The following MBNL2 variants were observed in gnomAD, a reference collection of about 807,000 sequenced individuals.
The protein encoded by MBNL2 is muscleblind-like protein 2.
A neutral mutation model predicts 41.9 loss-of-function variants in MBNL2; 17 were observed. That is an observed-to-expected ratio of 0.41 (90% CI 0.28 to 0.61). The LOEUF is 0.61. MBNL2 is among the 20% of genes least tolerant of loss of function. The pLI is 0.35. For synonymous variants in MBNL2, 195 were observed against 182.9 expected (o/e 1.07, Z -0.53); for missense variants, 336 against 505.6 (o/e 0.66, Z 3.22).
intron 1 of MBNL2, among the ~76,000 whole-genome samples, chr13:97,223,401 T>C (rs895291996): frequency 6.6e-6 from 1 of 152,232 alleles, no homozygotes; most frequent in Admixed American, 6.5e-5. Context: ...GGAAAGGATA[T>C]ATTTGCTAAA....
chr13:97,373,618 A>ATG (rs1322017630), intron 8 of MBNL2, among the ~76,000 whole-genome samples: 1 of 150,186 alleles, frequency 6.7e-6, no homozygotes, highest in East Asian at 1.9e-4. Context: ...ATATATATAT[A>ATG]TATATATTAA....
chr13:97,362,406 A>G (rs1210221041), intron 7 of MBNL2, among the ~76,000 whole-genome samples: 2 of 152,172 alleles, frequency 1.3e-5, no homozygotes, highest in Non-Finnish European at 1.5e-5. Context: ...TAAAATAACA[A>G]TTGAGCATTT....
chr13:97,190,677 T>C, the MBNL2 span, among the ~76,000 whole-genome samples: 3 of 152,224 alleles, frequency 2.0e-5, no homozygotes, highest in Non-Finnish European at 2.9e-5. Context: ...GTCTTTTGCA[T>C]AGTCAAGGAG....
intron 2 of MBNL2, among the ~76,000 whole-genome samples, chr13:97,322,960 G>C (rs942948021): frequency 4.6e-5 from 7 of 152,188 alleles, no homozygotes; most frequent in Non-Finnish European, 4.4e-5. Flanking sequence ...TTGATTGCTG[G>C]GGTCCAGGAG....
upstream of MBNL2, among the ~76,000 whole-genome samples, chr13:97,216,683 T>C (rs2040402572): frequency 6.6e-6 from 1 of 152,184 alleles, no homozygotes; most frequent in Non-Finnish European, 1.5e-5. Context: ...ATCACCATGA[T>C]TTTAAACATC....
At chr13:97,182,913 A>G in the MBNL2 span, among the ~76,000 whole-genome samples, 1 of 152,214 alleles carries the variant, frequency 6.6e-6, no homozygotes, top group East Asian at 1.9e-4. Context: ...ATAAATGCTC[A>G]TTATGAGTTA....
rs2063093704 is a variant in MBNL2 at position 97,357,499 on chromosome 13, T to G, written c.876T>G (p.Ala292=). 1.9e-6 allele frequency: 3 copies of G among 1,614,146 alleles called. No homozygotes were observed. Among genetic ancestry groups the G allele is most frequent in the East Asian group, 4.5e-5 (2 of 44,886 alleles). ...ATTTCTAGGCCTTTCCCCCTGGTGCTCTTCATCCTTTACCAAAGAGACAAG... is the reference window on the plus strand; with the variant it reads ...ATTTCTAGGCCTTTCCCCCTGGTGCGCTTCATCCTTTACCAAAGAGACAAG... ...ATVDLAFPPG[A]LHPLPKRQAL... The change falls in exon 7 of 9, where the codon GCT becomes GCG. Residue 292 remains alanine, a synonymous_variant. Coordinates refer to ENST00000679496, the MANE Select transcript of MBNL2 (RefSeq NM_001382683.1).
chr13:97,159,439 A>T, the MBNL2 span, among the ~76,000 whole-genome samples: 2 of 151,514 alleles, frequency 1.3e-5, no homozygotes, highest in African/African-American at 4.8e-5. Context: ...TCCTGTCATT[A>T]TGATGTTAGC....
At chr13:97,164,860 C>A in the MBNL2 span, among the ~76,000 whole-genome samples, 75 of 152,244 alleles carry the variant, frequency 4.9e-4, no homozygotes, top group Admixed American at 1.8e-3. Context: ...TTTGGTGTGG[C>A]CTTCCTGTGG....
At chr13:97,177,389 A>C in the MBNL2 span, among the ~76,000 whole-genome samples, 2 of 152,318 alleles carry the variant, frequency 1.3e-5, no homozygotes, top group East Asian at 1.9e-4. Flanking sequence ...TGAAAGAACA[A>C]TATGATGCCA....
chr13:97,229,788 A>G (rs1251630349), intron 1 of MBNL2, among the ~76,000 whole-genome samples: 2 of 152,224 alleles, frequency 1.3e-5, no homozygotes, highest in African/African-American at 4.8e-5. Flanking sequence ...TACCTATAAC[A>G]TCACATCTAA....
chr13:97,183,254 G>T, the MBNL2 span, among the ~76,000 whole-genome samples: 257 of 152,148 alleles, frequency 1.7e-3, no homozygotes, highest in Middle Eastern at 6.8e-3. Context: ...CAACAATTTA[G>T]TCCTTGTATT....
At chr13:97,225,360 T>C (rs561752270) in intron 1 of MBNL2, among the ~76,000 whole-genome samples, 22 of 152,196 alleles carry the variant, frequency 1.4e-4, no homozygotes, top group Admixed American at 3.9e-4. Flanking sequence ...AAGGAAGGTA[T>C]ACTGATTTGT....
At chr13:97,301,015 C>T (rs1485261754) in intron 2 of MBNL2, among the ~76,000 whole-genome samples, 2 of 152,182 alleles carry the variant, frequency 1.3e-5, no homozygotes, top group Non-Finnish European at 2.9e-5. Flanking sequence ...TGTGTCAGAA[C>T]AGATGAATAA....
intron 1 of MBNL2, among the ~76,000 whole-genome samples, chr13:97,250,011 C>T (rs921428460): frequency 4.6e-5 from 7 of 152,202 alleles, no homozygotes; most frequent in Admixed American, 2.6e-4. Flanking sequence ...TAGCCCAGGA[C>T]ACGGAAGTCT....
intron 2 of MBNL2, among the ~76,000 whole-genome samples, chr13:97,292,397 G>C (rs1302615932): frequency 6.6e-6 from 1 of 152,106 alleles, no homozygotes; most frequent in African/African-American, 2.4e-5. Flanking sequence ...CATCTGAGCA[G>C]ACTTCCCTTG....
At chr13:97,359,529 A>G (rs955745115) in intron 7 of MBNL2, among the ~76,000 whole-genome samples, 11 of 152,232 alleles carry the variant, frequency 7.2e-5, no homozygotes, top group Admixed American at 7.2e-4. Flanking sequence ...AAGCAAGGAT[A>G]AACATTTCCA....
chr13:97,199,543 C>T, the MBNL2 span, among the ~76,000 whole-genome samples: 3 of 152,182 alleles, frequency 2.0e-5, no homozygotes, highest in South Asian at 2.1e-4. Flanking sequence ...CAACCATTAT[C>T]GAACACAGAA....
At chr13:97,263,034 G>A (rs542808784) in intron 1 of MBNL2, among the ~76,000 whole-genome samples, 40 of 152,188 alleles carry the variant, frequency 2.6e-4, no homozygotes, top group African/African-American at 7.9e-4. Context: ...TGATCCACTC[G>A]CCTCGGCCTC....
Sources: allele counts gnomAD v4.1 joint callset (sites outside exome capture counted in the v4.1 genomes callset), GRCh38; gene constraint gnomAD v4.1.1; transcripts MANE v1.5; gene names NCBI Gene and HGNC (gene_info 2026-07-23, HGNC 2026-07-21).